DBX2: variants seen among roughly 807,000 people sequenced by gnomAD.
DBX2 encodes the protein homeobox protein DBX2.
DBX2 carries 16 observed loss-of-function variants against 17.7 expected under a neutral mutation model. That is an observed-to-expected ratio of 0.90 (90% CI 0.61 to 1.37). DBX2 has a LOEUF of 1.37. DBX2 is among the 40% of genes most tolerant of loss of function. DBX2 has a pLI of 0.00. For missense variants in DBX2, 538 were observed against 433.8 expected, an observed-to-expected ratio of 1.24 and a Z score of -2.13; for synonymous variants, 255 against 183.8, an observed-to-expected ratio of 1.39 and a Z score of -3.13.
chr12:45,022,001 A>G (rs1946354907), intron 3 of DBX2, among the ~76,000 whole-genome samples: 2 of 152,170 alleles, frequency 1.3e-5, no homozygotes, highest in Admixed American at 6.5e-5. Flanking sequence ...TGCACACAAC[A>G]GACCATCAAG....
intron 2 of DBX2, among the ~76,000 whole-genome samples, chr12:45,027,464 A>G (rs543497481): frequency 6.6e-6 from 1 of 152,344 alleles, no homozygotes; most frequent in East Asian, 1.9e-4. Flanking sequence ...TATTACAGCA[A>G]TAAGTATTAA....
intron 1 of DBX2, among the ~76,000 whole-genome samples, chr12:45,045,892 C>T (rs1946497408): frequency 6.6e-6 from 1 of 152,166 alleles, no homozygotes; most frequent in Non-Finnish European, 1.5e-5. Flanking sequence ...TAAGTCCATA[C>T]ATAAATTTAC....
intron 1 of DBX2, among the ~76,000 whole-genome samples, chr12:45,046,579 A>G (rs958920261): frequency 6.6e-6 from 1 of 152,194 alleles, no homozygotes; most frequent in East Asian, 1.9e-4. Context: ...CCCCACCTTG[A>G]GCACAAATCC....
chr12:45,031,795 G>GT lies in DBX2; in HGVS notation c.499+4223dup, dbSNP rs1946412202. On this transcript the variant is annotated intron_variant, in intron 2 of 3. Coordinates refer to ENST00000332700, the MANE Select transcript of DBX2 (RefSeq NM_001004329.3). ...TCCAAAAGCACAATCCAACAACCGT[G>GT]TATCATTTTGTAGACACATACTGAG... 2.0e-5 allele frequency among the ~76,000 whole-genome samples: 3 copies of GT among 152,150 alleles called. No homozygotes were observed. In the South Asian group the frequency reaches 6.2e-4, roughly 32 times the overall value.
Position 45,023,691 on chromosome 12 carries a change from T to C in DBX2, c.687+16A>G. On this transcript the variant is annotated intron_variant, in intron 3 of 3. Coordinates refer to ENST00000332700, the MANE Select transcript of DBX2 (RefSeq NM_001004329.3). ...AAGAAATCAGAGGCAGTAGACATCT[T>C]CCTGCTTATTAGTACCTGTGATTCC... The C allele has an allele frequency of 6.2e-7, 1 of 1,614,020 alleles. No individual in the cohort carries two copies. Among genetic ancestry groups the C allele is most frequent in the South Asian group, 1.1e-5 (1 of 91,052 alleles).
intron 1 of DBX2, among the ~76,000 whole-genome samples, chr12:45,041,665 A>G (rs1225121394): frequency 6.6e-6 from 1 of 152,142 alleles, no homozygotes; most frequent in African/African-American, 2.4e-5. Context: ...GTTTTGGTAG[A>G]GCTCATGAGA....
chr12:45,036,463 T>C (rs1015971844), intron 1 of DBX2, among the ~76,000 whole-genome samples: 3 of 152,334 alleles, frequency 2.0e-5, no homozygotes, highest in South Asian at 4.1e-4. Flanking sequence ...GAAATGTCTA[T>C]GTCTGTATTG....
At chr12:45,047,750 A>G (rs1465443320) in intron 1 of DBX2, among the ~76,000 whole-genome samples, 1 of 152,140 alleles carries the variant, frequency 6.6e-6, no homozygotes, top group Non-Finnish European at 1.5e-5. Context: ...CTTCTAGTCA[A>G]TGGAAGACTA....
At chr12:45,029,067 A>G (rs1270571398) in intron 2 of DBX2, among the ~76,000 whole-genome samples, 2 of 152,210 alleles carry the variant, frequency 1.3e-5, no homozygotes, top group African/African-American at 4.8e-5. Flanking sequence ...ACATACATAT[A>G]AGCACCTAAA....
At chr12:45,037,581 AC>A (rs1946447485) in intron 1 of DBX2, among the ~76,000 whole-genome samples, 1 of 152,136 alleles carries the variant, frequency 6.6e-6, no homozygotes, top group African/African-American at 2.4e-5. Flanking sequence ...TCAAGGGACA[AC>A]TTCTTTCCTT....
At chr12:45,034,294 C>A (rs186866409) in intron 2 of DBX2, among the ~76,000 whole-genome samples, 1 of 152,014 alleles carries the variant, frequency 6.6e-6, no homozygotes, top group Non-Finnish European at 1.5e-5. Context: ...TCTCCACTCC[C>A]GAAATCTAAC....
chr12:45,031,345 T>C (rs540920790), intron 2 of DBX2, among the ~76,000 whole-genome samples: 2 of 152,200 alleles, frequency 1.3e-5, no homozygotes, highest in South Asian at 4.2e-4. Flanking sequence ...TATCCTTCTG[T>C]TTCTATATAA....
rs1322575414 is a variant in DBX2 at position 45,016,020 on chromosome 12, T to C, written c.*266A>G. 2 of 327,928 alleles carry C rather than the reference T, an allele frequency of 6.1e-6. No individual in the cohort carries two copies. Among genetic ancestry groups the C allele is most frequent in the Non-Finnish European group, 1.1e-5 (2 of 180,438 alleles). The allele number at this position is 327,928 out of a possible 1,614,324, so 20.3% of individuals were successfully genotyped here. On this transcript the variant is annotated 3_prime_UTR_variant, in exon 4 of 4. Transcript: ENST00000332700. ...ATAGAGACAAACACATATATACACA[T>C]ACTCAGAGCAGGGACCGAGCCAGCT... is the stretch of plus-strand genomic sequence containing the variant.
rs543796262 is a variant in DBX2, at chr12:45,014,948, A to G, written c.*1338T>C. ...AGTGGAGTTCAGCAAATTAGAAGCC[A>G]CCATCATTATGCAGCTTACTCACTA... is the stretch of plus-strand genomic sequence containing the variant. On this transcript the variant is annotated 3_prime_UTR_variant, in exon 4 of 4. Transcript: ENST00000332700. 11 of 152,324 alleles carry G rather than the reference A, an allele frequency of 7.2e-5. 1 individual carries two copies. In the South Asian group the frequency reaches 1.7e-3, roughly 23 times the overall value. The allele number at this position is 152,324 out of a possible 1,614,324, so 9.4% of individuals were successfully genotyped here.
intron 2 of DBX2, among the ~76,000 whole-genome samples, chr12:45,035,772 G>A (rs77391480): frequency 0.019 from 2,919 of 152,054 alleles, 88 homozygotes; most frequent in African/African-American, 0.066. Context: ...TATATCAAAT[G>A]GAAAACAAGT....
chr12:45,019,927 C>G (rs955543750), intron 3 of DBX2, among the ~76,000 whole-genome samples: 6 of 152,046 alleles, frequency 3.9e-5, no homozygotes, highest in African/African-American at 1.4e-4. Flanking sequence ...TACGCATGAG[C>G]TTTTACTACA....
chr12:45,044,984 T>C (rs1946492104), intron 1 of DBX2, among the ~76,000 whole-genome samples: 1 of 152,112 alleles, frequency 6.6e-6, no homozygotes, highest in Non-Finnish European at 1.5e-5. Flanking sequence ...TGGAATAAAA[T>C]ATACAAGGGC....
intron 2 of DBX2, among the ~76,000 whole-genome samples, chr12:45,030,555 G>A (rs1303310653): frequency 7.2e-6 from 1 of 138,776 alleles, no homozygotes; most frequent in Non-Finnish European, 1.5e-5. Flanking sequence ...CACCTGCCAT[G>A]GCACTGGCCT....
At chr12:45,022,275 G>A in intron 3 of DBX2, among the ~76,000 whole-genome samples, 1 of 149,076 alleles carries the variant, frequency 6.7e-6, no homozygotes, top group East Asian at 2.0e-4. Flanking sequence ...TAGGGTCAAG[G>A]AGAGTTTAGT....
Sources: gnomAD v4.1 joint callset for allele counts (sites outside exome capture counted in the v4.1 genomes callset) on GRCh38, gnomAD v4.1.1 for gene constraint, MANE v1.5 for transcripts, NCBI Gene and HGNC (gene_info 2026-07-23, HGNC 2026-07-21) for gene names.